Variants in NAALADL2 observed in about 807,000 individuals in gnomAD.
NAALADL2 encodes the protein N-acetylated alpha-linked acidic dipeptidase like 2.
NAALADL2 carries 76 observed loss-of-function variants against 87.2 expected under a neutral mutation model. That is an observed-to-expected ratio of 0.87 (90% CI 0.72 to 1.05). The LOEUF (loss-of-function observed/expected upper bound fraction) is 1.05. NAALADL2 is among the 50% of genes least tolerant of loss of function. The pLI, the probability that NAALADL2 is intolerant of heterozygous loss-of-function variation, is 0.00. For synonymous variants in NAALADL2, 354 were observed against 331.0 expected, an observed-to-expected ratio of 1.07 and a Z score of -0.75; for missense variants, 1,089 against 945.8, an observed-to-expected ratio of 1.15 and a Z score of -1.99.
At chr3:174,451,189 G>A (rs767709877) in intron 1 of NAALADL2, among the ~76,000 whole-genome samples, 2 of 152,134 alleles carry the variant, frequency 1.3e-5, no homozygotes, top group Non-Finnish European at 2.9e-5. Context: ...TCAATTTGAG[G>A]ATATGTCTGT....
chr3:174,937,013 C>T (rs1358088045), intron 1 of NAALADL2, among the ~76,000 whole-genome samples: 1 of 151,972 alleles, frequency 6.6e-6, no homozygotes, highest in South Asian at 2.1e-4. Flanking sequence ...AAAAGTTGAA[C>T]ATTTTAAAAA....
In NAALADL2 at chr3:175,576,060, C is replaced by T. The variant is rs773399939; in HGVS notation, c.1673C>T (p.Thr558Ile). ...TTTCAGAAAAATAATTTCAACTGTA[C>T]CAGAAGAGCCCAGTGCCCAGAAACC... Reference protein sequence around the residue: ...LVVEKNNFNCTRRAQCPETNI... With the variant: ...LVVEKNNFNCIRRAQCPETNI... The change falls in exon 10 of 14, where the codon ACC becomes ATC. Residue 558 changes from threonine to isoleucine, a missense_variant. By Grantham distance (89) the Thr-to-Ile change is moderately conservative (BLOSUM62 -1). Coordinates refer to ENST00000454872, the MANE Select transcript of NAALADL2 (RefSeq NM_207015.3). 3.1e-6 allele frequency: 5 copies of T among 1,610,640 alleles called. No individual in the cohort carries two copies. The highest frequency in any genetic ancestry group is 4.2e-6 in the Non-Finnish European group (5 of 1,178,628).
intron 3 of NAALADL2, among the ~76,000 whole-genome samples, chr3:174,838,448 G>A (rs78526399): frequency 2.0e-5 from 3 of 152,100 alleles, no homozygotes; most frequent in Middle Eastern, 6.8e-3. Context: ...CAAGGATGCC[G>A]TCTCTCACCA....
chr3:174,453,989 A>G (rs957238887), intron 1 of NAALADL2, among the ~76,000 whole-genome samples: 1 of 152,072 alleles, frequency 6.6e-6, no homozygotes, highest in Non-Finnish European at 1.5e-5. Flanking sequence ...ACCGAATTAT[A>G]TGCTGTCTTC....
At chr3:174,937,820 G>A (rs539265061) in intron 1 of NAALADL2, among the ~76,000 whole-genome samples, 1 of 151,890 alleles carries the variant, frequency 6.6e-6, no homozygotes, top group South Asian at 2.1e-4. Flanking sequence ...TTTTATATGA[G>A]TATTATAATT....
At chr3:175,276,519 G>T (rs991950971) in intron 4 of NAALADL2, among the ~76,000 whole-genome samples, 1 of 151,792 alleles carries the variant, frequency 6.6e-6, no homozygotes, top group Non-Finnish European at 1.5e-5. Context: ...TAACCAGGAT[G>T]GTCTCGATTT....
intron 11 of NAALADL2, chr3:175,718,417 A>T (rs1741702964): frequency 3.8e-6 from 6 of 1,589,482 alleles, no homozygotes; most frequent in Non-Finnish European, 5.2e-6. Flanking sequence ...TTTTTGTTAC[A>T]AATCTTAAAA....
At chr3:175,336,039 T>C (rs1343409262) in intron 5 of NAALADL2, among the ~76,000 whole-genome samples, 1 of 152,124 alleles carries the variant, frequency 6.6e-6, no homozygotes, top group Non-Finnish European at 1.5e-5. Flanking sequence ...TTGTGACTTA[T>C]ATACGTGCAT....
intron 2 of NAALADL2, among the ~76,000 whole-genome samples, chr3:175,206,817 C>A (rs755626177): frequency 1.3e-5 from 2 of 152,132 alleles, no homozygotes; most frequent in African/African-American, 4.8e-5. Flanking sequence ...CTTAGGTCTG[C>A]TAATCCTTCC....
chr3:174,938,559 T>G (rs1738057728), intron 1 of NAALADL2, among the ~76,000 whole-genome samples: 1 of 152,122 alleles, frequency 6.6e-6, no homozygotes, highest in African/African-American at 2.4e-5. Context: ...GATTGCTGGG[T>G]CGAATGGTAG....
intron 13 of NAALADL2, among the ~76,000 whole-genome samples, chr3:175,768,710 G>A (rs559194197): frequency 1.1e-4 from 17 of 152,004 alleles, no homozygotes; most frequent in East Asian, 1.9e-4. Flanking sequence ...AAATTAGCTG[G>A]GCATGGTGGT....
intron 1 of NAALADL2, among the ~76,000 whole-genome samples, chr3:174,482,982 C>G (rs1320557937): frequency 6.6e-6 from 1 of 151,906 alleles, no homozygotes; most frequent in African/African-American, 2.4e-5. Flanking sequence ...AATTTGTCAA[C>G]CATTTAAAAT....
chr3:174,849,422 A>C (rs1342531328), intron 3 of NAALADL2, among the ~76,000 whole-genome samples: 1 of 152,038 alleles, frequency 6.6e-6, no homozygotes, highest in African/African-American at 2.4e-5. Context: ...GCTTTCTTAA[A>C]ATTTTCAATT....
At chr3:174,644,895 A>G (rs1213799572) in intron 2 of NAALADL2, among the ~76,000 whole-genome samples, 1 of 152,248 alleles carries the variant, frequency 6.6e-6, no homozygotes. Flanking sequence ...TGCTTTAAAA[A>G]TTCTGTTTAA....
At chr3:174,885,876 G>A (rs970267548) in intron 1 of NAALADL2, among the ~76,000 whole-genome samples, 1 of 101,642 alleles carries the variant, frequency 9.8e-6, no homozygotes, top group Non-Finnish European at 2.0e-5. Context: ...AGTCCGAGTT[G>A]TTTTTTTTTT....
chr3:175,393,045 C>A (rs1400014401), intron 5 of NAALADL2, among the ~76,000 whole-genome samples: 1 of 151,686 alleles, frequency 6.6e-6, no homozygotes, highest in South Asian at 2.1e-4. Context: ...GAGGCCGAGG[C>A]GGGTGGATCA....
chr3:174,683,798 G>A (rs1294225308), intron 2 of NAALADL2, among the ~76,000 whole-genome samples: 5 of 151,768 alleles, frequency 3.3e-5, no homozygotes, highest in Non-Finnish European at 7.4e-5. Flanking sequence ...TTTTCATCTT[G>A]CTTTAATACT....
chr3:175,786,024 C>T (rs1357331883), intron 13 of NAALADL2, among the ~76,000 whole-genome samples: 18 of 152,154 alleles, frequency 1.2e-4, no homozygotes, highest in Admixed American at 5.9e-4. Flanking sequence ...TGTTGAATAT[C>T]AGCCCCCACT....
intron 9 of NAALADL2, among the ~76,000 whole-genome samples, chr3:175,502,804 G>T (rs986226358): frequency 3.3e-5 from 5 of 152,172 alleles, no homozygotes; most frequent in African/African-American, 1.2e-4. Context: ...TAGGTTTACA[G>T]CTGGAGAGGA....
Sources: allele counts gnomAD v4.1 joint callset (sites outside exome capture counted in the v4.1 genomes callset), GRCh38; gene constraint gnomAD v4.1.1; transcripts MANE v1.5; gene names NCBI Gene and HGNC (gene_info 2026-07-23, HGNC 2026-07-21).